PBX1: variants seen among roughly 807,000 people sequenced by gnomAD.
PBX1 encodes the protein pre-B-cell leukemia transcription factor 1.
PBX1 carries 6 observed loss-of-function variants against 53.4 expected under a neutral mutation model. The observed-to-expected ratio is 0.11, with a 90% confidence interval of 0.06 to 0.22. PBX1 has a LOEUF of 0.22. PBX1 is among the 10% of genes least tolerant of loss of function. The probability of loss-of-function intolerance (pLI) is 1.00; values close to 1 mark genes in which losing one functional copy is unlikely to be tolerated. For missense variants in PBX1, 251 were observed against 551.4 expected (o/e 0.46, Z 5.46); for synonymous variants, 204 against 212.3 (o/e 0.96, Z 0.34).
chr1:164,864,920 G>T (rs545235247), intron 2 of PBX1, among the ~76,000 whole-genome samples: 1 of 152,306 alleles, frequency 6.6e-6, no homozygotes, highest in Non-Finnish European at 1.5e-5. Context: ...AAGGCAAAGA[G>T]GTTGCCAGAT....
intron 2 of PBX1, among the ~76,000 whole-genome samples, chr1:164,602,948 A>G (rs1656280411): frequency 6.6e-6 from 1 of 152,190 alleles, no homozygotes; most frequent in African/African-American, 2.4e-5. Context: ...TTGCTGTCCA[A>G]GAAGTCTCTT....
intron 3 of PBX1, among the ~76,000 whole-genome samples, chr1:164,795,075 G>A (rs766696790): frequency 3.3e-5 from 5 of 151,606 alleles, no homozygotes; most frequent in East Asian, 1.9e-4. Context: ...AAAACACTGC[G>A]GCTGACATAA....
intron 2 of PBX1, among the ~76,000 whole-genome samples, chr1:164,712,098 G>A (rs926481317): frequency 2.7e-5 from 4 of 150,540 alleles, no homozygotes; most frequent in African/African-American, 2.5e-5. Context: ...GGTAACATCT[G>A]GGGGAGGGGC....
intron 2 of PBX1, among the ~76,000 whole-genome samples, chr1:164,647,457 T>A (rs1247378296): frequency 1.3e-5 from 2 of 152,128 alleles, no homozygotes; most frequent in Non-Finnish European, 2.9e-5. Flanking sequence ...GGAAAGTCAC[T>A]TCCTTCTGTC....
intron 2 of PBX1, chr1:164,631,205 C>T (rs1658390986): frequency 6.6e-6 from 1 of 151,600 alleles, no homozygotes; most frequent in Admixed American, 6.6e-5. Context: ...TAAAAGCCAC[C>T]ATCTGGTTTA....
chr1:164,598,212 T>A (rs1032334209), intron 2 of PBX1, among the ~76,000 whole-genome samples: 2 of 152,222 alleles, frequency 1.3e-5, no homozygotes, highest in Non-Finnish European at 2.9e-5. Context: ...TTCCAACACA[T>A]GAATTTTTGG....
intron 2 of PBX1, among the ~76,000 whole-genome samples, chr1:164,634,014 GT>G (rs1658583643): frequency 6.6e-6 from 1 of 152,172 alleles, no homozygotes; most frequent in Admixed American, 6.5e-5. Flanking sequence ...CCCGGGTGGC[GT>G]TATCCAGCTC....
At chr1:164,637,659 T>C (rs1448565317) in intron 2 of PBX1, among the ~76,000 whole-genome samples, 1 of 152,176 alleles carries the variant, frequency 6.6e-6, no homozygotes, top group Non-Finnish European at 1.5e-5. Context: ...GTAGGACAAG[T>C]TTGCCCTCAG....
intron 2 of PBX1, among the ~76,000 whole-genome samples, chr1:164,601,260 AAAGC>A: frequency 6.7e-6 from 1 of 149,632 alleles, no homozygotes; most frequent in Non-Finnish European, 1.5e-5. Flanking sequence ...AAAAAAAAAA[AAAGC>A]AGACACAGAG....
chr1:164,561,376 C>T (rs1458611487), intron 1 of PBX1, among the ~76,000 whole-genome samples: 1 of 152,118 alleles, frequency 6.6e-6, no homozygotes, highest in Non-Finnish European at 1.5e-5. Flanking sequence ...CTAAGGTTTA[C>T]GGGTGTTTGA....
At chr1:164,870,532 CG>C (rs1558054018) in intron 2 of PBX1, among the ~76,000 whole-genome samples, 1 of 151,670 alleles carries the variant, frequency 6.6e-6, no homozygotes, top group East Asian at 1.9e-4. Flanking sequence ...TTAGTAGAGA[CG>C]GGGTTTCGCC....
At chr1:164,751,987 A>G (rs376476066) in intron 2 of PBX1, among the ~76,000 whole-genome samples, 14 of 152,150 alleles carry the variant, frequency 9.2e-5, no homozygotes, top group African/African-American at 2.7e-4. Flanking sequence ...GGAGTCCTCA[A>G]TAGTTGTTAA....
chr1:164,875,855 G>T (rs1003194541), intron 2 of PBX1, among the ~76,000 whole-genome samples: 4 of 151,800 alleles, frequency 2.6e-5, no homozygotes, highest in African/African-American at 9.7e-5. Context: ...GTTCTAGAGA[G>T]ATATTATTTT....
chr1:164,833,413 TA>T (rs2102394654), intron 8 of PBX1, among the ~76,000 whole-genome samples: 1 of 152,248 alleles, frequency 6.6e-6, no homozygotes, highest in South Asian at 2.1e-4. Context: ...TGACCTTTGT[TA>T]GGGGCAAAGA....
intron 2 of PBX1, among the ~76,000 whole-genome samples, chr1:164,591,292 GT>G (rs1655360256): frequency 1.3e-5 from 2 of 152,134 alleles, no homozygotes; most frequent in African/African-American, 4.8e-5. Flanking sequence ...GATTACAGGC[GT>G]CAGCCACCGC....
At chr1:164,727,402 A>T (rs1400272204) in intron 2 of PBX1, among the ~76,000 whole-genome samples, 1 of 152,170 alleles carries the variant, frequency 6.6e-6, no homozygotes, top group Admixed American at 6.5e-5. Flanking sequence ...TGTAATTCTT[A>T]TACAGGAGAT....
chr1:164,646,219 C>T (rs1039835342), intron 2 of PBX1, among the ~76,000 whole-genome samples: 1 of 152,180 alleles, frequency 6.6e-6, no homozygotes, highest in African/African-American at 2.4e-5. Context: ...GATTCAGGAG[C>T]AGCATGCTGG....
At chr1:164,659,069 G>C (rs750289480) in intron 2 of PBX1, among the ~76,000 whole-genome samples, 17 of 152,170 alleles carry the variant, frequency 1.1e-4, no homozygotes, top group Non-Finnish European at 2.5e-4. Context: ...ATGGGTAGGA[G>C]GCACTAAGAA....
intron 2 of PBX1, among the ~76,000 whole-genome samples, chr1:164,635,599 G>T (rs965820478): frequency 6.6e-6 from 1 of 152,130 alleles, no homozygotes; most frequent in Admixed American, 6.5e-5. Flanking sequence ...CGCTCGTCTC[G>T]CCACGCTTTT....
Sources: gnomAD v4.1 joint callset for allele counts (sites outside exome capture counted in the v4.1 genomes callset) on GRCh38, gnomAD v4.1.1 for gene constraint, MANE v1.5 for transcripts, NCBI Gene and HGNC (gene_info 2026-07-23, HGNC 2026-07-21) for gene names.